Variants in FBXL3 observed in about 807,000 individuals in gnomAD.
FBXL3 encodes F-box/LRR-repeat protein 3.
FBXL3 carries 14 observed loss-of-function variants against 37.9 expected under a neutral mutation model. The observed-to-expected ratio is 0.37, with a 90% confidence interval of 0.24 to 0.58. FBXL3 has a LOEUF of 0.58. Ranked by LOEUF, FBXL3 falls within the 20% of genes least tolerant of loss-of-function variation. The probability of loss-of-function intolerance (pLI) is 0.74; values close to 1 mark genes in which losing one functional copy is unlikely to be tolerated. For missense variants in FBXL3, 327 were observed against 511.1 expected, an observed-to-expected ratio of 0.64 and a Z score of 3.47; for synonymous variants, 194 against 180.1, an observed-to-expected ratio of 1.08 and a Z score of -0.62.
At chr13:77,019,658 T>C (rs2034706094) in intron 2 of FBXL3, among the ~76,000 whole-genome samples, 1 of 152,144 alleles carries the variant, frequency 6.6e-6, no homozygotes, top group African/African-American at 2.4e-5. Flanking sequence ...CCAGCAATTT[T>C]TGGCTTTACA....
intron 4 of FBXL3, 122 bp downstream of exon 4, chr13:77,015,287 A>C (rs983464154): frequency 6.5e-6 from 4 of 610,944 alleles, no homozygotes; most frequent in Non-Finnish European, 1.0e-5. Context: ...TACATTAAAA[A>C]TATTTTAAAG....
Position 77,005,383 on chromosome 13 carries a change from T to C in FBXL3, c.*1762A>G, listed in dbSNP as rs1333839934. 1 of 152,612 alleles carries C rather than the reference T, an allele frequency of 6.6e-6. No homozygotes were observed. Among genetic ancestry groups the C allele is most frequent in the African/African-American group, 2.4e-5 (1 of 41,462 alleles). 9.5% of individuals were successfully genotyped at this position (152,612 alleles called of 1,614,324 possible). A position where few individuals can be genotyped will look rare whatever the true frequency, so the allele number is the denominator to read the frequency against. On this transcript the variant is annotated 3_prime_UTR_variant, in exon 5 of 5. Transcript: ENST00000355619. ...CAAAGTATTTTAAGCATTATATAAT[T>C]CAATTTGTACAAAAAGTAAATTTCC...
chr13:77,010,247 T>TATA (rs1485057167), intron 4 of FBXL3: 1 of 151,380 alleles, frequency 6.6e-6, no homozygotes, highest in African/African-American at 2.4e-5. Flanking sequence ...GAACTTAAAG[T>TATA]ATAATAATAA....
At chr13:77,017,761 G>A (rs1192019290) in intron 3 of FBXL3, 1 of 151,960 alleles carries the variant, frequency 6.6e-6, no homozygotes, top group Admixed American at 6.6e-5. Flanking sequence ...ACATCAACTG[G>A]TGATTTATTT....
At chr13:77,011,853 G>C (rs1160916131) in intron 4 of FBXL3, among the ~76,000 whole-genome samples, 1 of 152,122 alleles carries the variant, frequency 6.6e-6, no homozygotes, top group African/African-American at 2.4e-5. Context: ...GACACTGCTA[G>C]TGGCTATGTA....
chr13:77,021,667 T>C lies in FBXL3; in HGVS notation c.194A>G (p.Asn65Ser), dbSNP rs780319441. Reference protein sequence around the residue: ...DRAHASQVCRNWNQVFHMPDL... With the variant: ...DRAHASQVCRSWNQVFHMPDL... ...AGGCATGTGAAATACCTGGTTCCAG[T>C]TGCGGCAAACTTGTGAAGCATGAGC... Residue 65 changes from asparagine to serine, a missense_variant, in exon 2 of 5, where the codon AAC becomes AGC. Transcript: ENST00000355619. 9 of 1,614,128 alleles carry C rather than the reference T, an allele frequency of 5.6e-6. No homozygotes were observed. Among genetic ancestry groups the C allele is most frequent in the Admixed American group, 3.3e-5 (2 of 60,022 alleles).
chr13:77,025,964 A>T (rs1339322212), intron 1 of FBXL3, among the ~76,000 whole-genome samples: 2 of 136,442 alleles, frequency 1.5e-5, no homozygotes, highest in African/African-American at 5.0e-5. Flanking sequence ...CTAAATGCTT[A>T]GAGAGCGCAC....
intron 3 of FBXL3, chr13:77,016,721 G>A (rs1009735580): frequency 5.9e-5 from 9 of 151,728 alleles, no homozygotes; most frequent in Non-Finnish European, 1.2e-4. Flanking sequence ...TTGTAGAGAT[G>A]GGTCTTGCTA....
intron 1 of FBXL3, among the ~76,000 whole-genome samples, chr13:77,026,005 G>A (rs1470863738): frequency 2.0e-5 from 3 of 151,098 alleles, no homozygotes; most frequent in African/African-American, 7.3e-5. Context: ...AGGTCATATA[G>A]ATAGATAGAT....
Position 77,015,482 on chromosome 13 carries a change from T to C in FBXL3, c.570A>G (p.Lys190=), listed in dbSNP as rs773586115. ...TATCACTATTGTTGGCCACTAGTAC[T>C]TTGAGAGATGGATCATCTACTGGAG... is the stretch of plus-strand genomic sequence containing the variant. ...DDTPVDDPSL[K]VLVANNSDTL... is the part of the protein sequence containing the mutation. The change falls in exon 4 of 5, where the codon AAA becomes AAG. Residue 190 remains lysine (K), a synonymous_variant. Coordinates refer to ENST00000355619, the MANE Select transcript of FBXL3 (RefSeq NM_012158.4). The C allele has an allele frequency of 6.2e-7, 1 of 1,608,688 alleles. No individual in the cohort carries two copies. Among genetic ancestry groups the C allele is most frequent in the Admixed American group, 1.7e-5 (1 of 59,316 alleles).
chr13:77,023,463 C>T (rs2034783920), intron 1 of FBXL3, among the ~76,000 whole-genome samples: 1 of 152,082 alleles, frequency 6.6e-6, no homozygotes, highest in Non-Finnish European at 1.5e-5. Context: ...CAGTAGACGG[C>T]AGATTACAGG....
At chr13:77,009,994 A>C (rs1482350712) in intron 4 of FBXL3, 1 of 152,292 alleles carries the variant, frequency 6.6e-6, no homozygotes, top group Admixed American at 6.5e-5. Flanking sequence ...TCAGCAAACT[A>C]ACACAAGAAC....
At chr13:77,011,679 C>T (rs1051310451) in intron 4 of FBXL3, among the ~76,000 whole-genome samples, 2 of 149,572 alleles carry the variant, frequency 1.3e-5, no homozygotes, top group Admixed American at 6.7e-5. Flanking sequence ...GCCAGGATCA[C>T]GCCACTCCAC....
At chr13:77,010,604 A>C (rs2034531805) in intron 4 of FBXL3, 1 of 152,210 alleles carries the variant, frequency 6.6e-6, no homozygotes, top group Admixed American at 6.5e-5. Flanking sequence ...TCTAAGCTAG[A>C]GGGGGCCAAA....
chr13:77,021,840 A>C lies in FBXL3; in HGVS notation c.21T>G (p.Asp7Glu), dbSNP rs199677324. 7 of 1,609,752 alleles carry C rather than the reference A, an allele frequency of 4.3e-6. No individual in the cohort carries two copies. The African/African-American group carries it at 6.7e-5, about 15-fold the overall frequency. ...CTTCTTCTGATGAATTACGGTCACT[A>C]TCTCTTCCTCCTCGTTTCATCCTAT... MKRGGR[D>E]SDRNSSEEGT... Residue 7 changes from aspartate (D) to glutamate (E), a missense_variant, in exon 2 of 5, where the codon GAT becomes GAG. By Grantham distance (45) the Asp-to-Glu change is conservative (BLOSUM62 2). Transcript: ENST00000355619.
At chr13:77,023,349 T>A (rs377346224) in intron 1 of FBXL3, among the ~76,000 whole-genome samples, 258 of 136,910 alleles carry the variant, frequency 1.9e-3, no homozygotes, top group African/African-American at 6.8e-3. Context: ...AGAGAGAGTG[T>A]GTGTGTGTGT....
intron 4 of FBXL3, among the ~76,000 whole-genome samples, chr13:77,008,270 A>G (rs2034487741): frequency 6.6e-6 from 1 of 152,250 alleles, no homozygotes; most frequent in South Asian, 2.1e-4. Flanking sequence ...AAACATTTAC[A>G]AACTAAAGAT....
At chr13:77,009,526 C>G (rs1305000612) in intron 4 of FBXL3, 1 of 152,158 alleles carries the variant, frequency 6.6e-6, no homozygotes, top group Non-Finnish European at 1.5e-5. Context: ...TCTAATTACT[C>G]AAGGTAACCT....
rs148363090 is a variant in FBXL3 at position 77,019,929 on chromosome 13, G to A, written c.349-1207C>T. Among the ~76,000 whole-genome samples the A allele has an allele frequency of 1.5e-3, 227 of 151,260 alleles. 1 individual carries two copies. The highest frequency in any genetic ancestry group is 4.9e-3 in the African/African-American group (202 of 41,194). On this transcript the variant is annotated intron_variant, in intron 2 of 4. Coordinates refer to ENST00000355619, the MANE Select transcript of FBXL3 (RefSeq NM_012158.4). ...AGATACACCTGAATTGTATCACAGG[G>A]CTATAAAAATGACCCAGCAAATCTA...
Sources: allele counts gnomAD v4.1 joint callset (sites outside exome capture counted in the v4.1 genomes callset), GRCh38; gene constraint gnomAD v4.1.1; transcripts MANE v1.5; gene names NCBI Gene and HGNC (gene_info 2026-07-23, HGNC 2026-07-21).